RALGAPB: variants seen among roughly 807,000 people sequenced by gnomAD.
The protein encoded by RALGAPB is ral GTPase-activating protein subunit beta.
Under a neutral mutation model 161.1 loss-of-function variants are expected in RALGAPB, and 25 were observed. The observed-to-expected ratio is 0.16, with a 90% CI of 0.11 to 0.22. RALGAPB has a LOEUF of 0.22. Ranked by LOEUF, RALGAPB falls within the 10% of genes least tolerant of loss-of-function variation. RALGAPB has a pLI of 1.00. For synonymous variants in RALGAPB, 629 were observed against 626.1 expected (o/e 1.00, Z -0.07); for missense variants, 1,391 against 1,815.2 (o/e 0.77, Z 4.25).
intron 5 of RALGAPB, among the ~76,000 whole-genome samples, chr20:38,507,350 A>G (rs1347721519): frequency 6.6e-6 from 1 of 152,050 alleles, no homozygotes; most frequent in Non-Finnish European, 1.5e-5. Context: ...TAATTCATTT[A>G]ATAATTTCCT....
chr20:38,518,445 C>T (rs2086197439), intron 9 of RALGAPB, among the ~76,000 whole-genome samples: 1 of 152,156 alleles, frequency 6.6e-6, no homozygotes, highest in South Asian at 2.1e-4. Flanking sequence ...TACACTCTGA[C>T]CTCTCAAATT....
Position 38,577,154 on chromosome 20 carries a change from C to G in RALGAPB, c.*2187C>G, listed in dbSNP as rs1360165301. The stretch of plus-strand genomic sequence containing the variant: ...TACGGAGCCAGTGGAATATGGGATA[C>G]CCATACCTTACCAGGCGCTGGTTCC... On this transcript the variant is annotated 3_prime_UTR_variant, in exon 30 of 30. Transcript: ENST00000262879. The G allele has an allele frequency of 6.6e-6, 1 of 152,136 alleles. No individual in the cohort carries two copies. Among genetic ancestry groups the G allele is most frequent in the African/African-American group, 2.4e-5 (1 of 41,428 alleles). The allele number at this position is 152,136 out of a possible 1,614,324, so 9.4% of individuals were successfully genotyped here.
At chr20:38,477,132 C>G (rs534036438) in intron 1 of RALGAPB, among the ~76,000 whole-genome samples, 1 of 152,256 alleles carries the variant, frequency 6.6e-6, no homozygotes, top group African/African-American at 2.4e-5. Context: ...CTTACTTGCT[C>G]TAATATGGTA....
intron 3 of RALGAPB, among the ~76,000 whole-genome samples, chr20:38,495,113 A>T (rs1389694828): frequency 6.6e-6 from 1 of 152,212 alleles, no homozygotes; most frequent in Non-Finnish European, 1.5e-5. Flanking sequence ...TTATGATCTC[A>T]TCTCCCATTA....
chr20:38,573,488 C>T (rs1441118403), intron 28 of RALGAPB, among the ~76,000 whole-genome samples: 2 of 152,088 alleles, frequency 1.3e-5, no homozygotes, highest in African/African-American at 4.8e-5. Flanking sequence ...GAGTAACTCG[C>T]CCCTCCATAG....
chr20:38,482,562 G>C (rs1416700923), intron 1 of RALGAPB, among the ~76,000 whole-genome samples: 2 of 151,180 alleles, frequency 1.3e-5, no homozygotes, highest in Non-Finnish European at 2.9e-5. Flanking sequence ...CAAGTAGCTG[G>C]GATTACAGGC....
At chr20:38,545,838 A>C (rs1438155347) in intron 18 of RALGAPB, among the ~76,000 whole-genome samples, 1 of 152,234 alleles carries the variant, frequency 6.6e-6, no homozygotes, top group Non-Finnish European at 1.5e-5. Flanking sequence ...AAAATGGGAT[A>C]GAGACGGTTG....
chr20:38,553,821 T>G, intron 21 of RALGAPB, 46 bp from the exon 22 acceptor site: 3 of 967,388 alleles, frequency 3.1e-6, no homozygotes, highest in Non-Finnish European at 4.8e-6. Context: ...TTGGCCTTAC[T>G]AGTTTGATAA....
rs1194174888 is a variant in RALGAPB at position 38,578,773 on chromosome 20, A to T, written c.*3806A>T. The T allele has an allele frequency of 6.6e-6, 1 of 152,600 alleles. No homozygotes were observed. Among genetic ancestry groups the T allele is most frequent in the Non-Finnish European group, 1.5e-5 (1 of 68,034 alleles). The allele number at this position is 152,600 out of a possible 1,614,324, so 9.5% of individuals were successfully genotyped here. A position where few individuals can be genotyped will look rare whatever the true frequency, so the allele number is the denominator to read the frequency against. ...AAGGTCCAGAGGTTTGTTTGTATTT[A>T]TGCCGATCCTTTGTCCAGAAGAAGC... On this transcript the variant is annotated 3_prime_UTR_variant, in exon 30 of 30. Coordinates refer to ENST00000262879, the MANE Select transcript of RALGAPB (RefSeq NM_020336.4).
At chr20:38,499,401 T>C in intron 4 of RALGAPB, 46 bp from the exon 5 acceptor site, 1 of 1,514,794 alleles carries the variant, frequency 6.6e-7, no homozygotes, top group Non-Finnish European at 8.9e-7. Flanking sequence ...AAGATTCTGC[T>C]TTAAAAATAA....
At chr20:38,552,008 A>G (rs930646885) in intron 21 of RALGAPB, among the ~76,000 whole-genome samples, 4 of 152,166 alleles carry the variant, frequency 2.6e-5, no homozygotes, top group African/African-American at 9.7e-5. Context: ...GGATAATTCA[A>G]AGGGCTGGGG....
At position 38,567,131 on chromosome 20, in the gene RALGAPB, A is replaced by G. The variant is rs2088033199; in HGVS notation, c.3853A>G (p.Ser1285Gly). Residue 1285 changes from serine (S) to glycine (G), a missense_variant, in exon 26 of 30, where the codon AGT becomes GGT. Coordinates refer to ENST00000262879, the MANE Select transcript of RALGAPB (RefSeq NM_020336.4). ...GGAAAGTAACATCTCGGACCAAGATAGTGATTCAAATATGGATCTTATGCC... is the reference window on the plus strand; with the variant it reads ...GGAAAGTAACATCTCGGACCAAGATGGTGATTCAAATATGGATCTTATGCC... Reference protein sequence around the residue: ...SLESNISDQDSDSNMDLMPGI... With the variant: ...SLESNISDQDGDSNMDLMPGI... 6.2e-7 allele frequency: 1 copy of G among 1,613,652 alleles called. No homozygotes were observed. Among genetic ancestry groups the G allele is most frequent in the African/African-American group, 1.3e-5 (1 of 75,028 alleles).
In RALGAPB at chr20:38,524,902, G is replaced by T; in HGVS notation, c.1744G>T (p.Val582Phe). 1 of 1,611,604 alleles carries T rather than the reference G, an allele frequency of 6.2e-7. No homozygotes were observed. Among genetic ancestry groups the T allele is most frequent in the Non-Finnish European group, 8.5e-7 (1 of 1,177,690 alleles). The change falls in exon 11 of 30, where the codon GTT (valine) becomes TTT (phenylalanine). Residue 582 changes from valine to phenylalanine, a missense_variant. This residue lies in a region of RALGAPB where 946 missense variants were observed against 1,257.2 expected (regional missense o/e 0.75). Coordinates refer to ENST00000262879, the MANE Select transcript of RALGAPB (RefSeq NM_020336.4). ...CCDLKGIDVV[V>F]PYFISALETI... ...TGACTTGAAAGGGATTGATGTTGTG[G>T]TTCCTTACTTTATTTCAGCTCTTGA...
chr20:38,557,783 A>G (rs1421459963), intron 22 of RALGAPB, among the ~76,000 whole-genome samples: 1 of 152,224 alleles, frequency 6.6e-6, no homozygotes, highest in Non-Finnish European at 1.5e-5. Flanking sequence ...CCCTTCATCT[A>G]TTGAAAGACA....
At chr20:38,510,115 A>AAC (rs1463786472) in intron 6 of RALGAPB, among the ~76,000 whole-genome samples, 1 of 139,524 alleles carries the variant, frequency 7.2e-6, no homozygotes, top group South Asian at 2.3e-4. Flanking sequence ...TATGTATATA[A>AAC]ACACACACAC....
rs771935999 is a variant in RALGAPB, at chr20:38,525,392, A to G, written c.1788-12A>G. Reference sequence around the variant, plus strand: ...AGTTCAAAAATACTAATAGCTTTTTATTTTTTGGCAGAGAACTCTCAAAAT... The same window carrying G: ...AGTTCAAAAATACTAATAGCTTTTTGTTTTTTGGCAGAGAACTCTCAAAAT... On this transcript the variant is annotated splice_polypyrimidine_tract_variant and intron_variant, in intron 11 of 29. Coordinates refer to ENST00000262879, the MANE Select transcript of RALGAPB (RefSeq NM_020336.4). 1.9e-6 allele frequency: 3 copies of G among 1,553,874 alleles called. No homozygotes were observed. Among genetic ancestry groups the G allele is most frequent in the Admixed American group, 3.8e-5 (2 of 52,296 alleles).
intron 1 of RALGAPB, among the ~76,000 whole-genome samples, chr20:38,487,322 G>C (rs1310661721): frequency 8.4e-6 from 1 of 118,538 alleles, no homozygotes; most frequent in East Asian, 2.8e-4. Context: ...TTGTAGCAAG[G>C]CTTTATTGTT....
At chr20:38,526,101 C>A (rs1600947423) in intron 13 of RALGAPB, 59 bp downstream of exon 13, 1 of 1,571,248 alleles carries the variant, frequency 6.4e-7, no homozygotes, top group Non-Finnish European at 8.7e-7. Context: ...TACAGGCCTG[C>A]TGAGGAGGCG....
At chr20:38,519,176 TA>T (rs1194222894) in intron 9 of RALGAPB, among the ~76,000 whole-genome samples, 1 of 152,200 alleles carries the variant, frequency 6.6e-6, no homozygotes, top group East Asian at 1.9e-4. Flanking sequence ...TCAGACACTT[TA>T]TATTCTTCCA....
Sources: allele counts gnomAD v4.1 joint callset (sites outside exome capture counted in the v4.1 genomes callset), GRCh38; gene constraint gnomAD v4.1.1; regional missense constraint gnomAD v4.1.1; transcripts MANE v1.5; gene names NCBI Gene and HGNC (gene_info 2026-07-23, HGNC 2026-07-21).